PKP3: variants seen among roughly 807,000 people sequenced by gnomAD.
PKP3 encodes plakophilin 3, also known as plakophilin-3.
Under a neutral mutation model 76.5 loss-of-function variants are expected in PKP3, and 66 were observed. The ratio of observed to expected loss-of-function variants is 0.86; its 90% CI spans 0.71 to 1.06. The LOEUF is 1.06. Among genes scored for constraint, PKP3 ranks in the 50% least tolerant of loss-of-function variants. The probability of loss-of-function intolerance (pLI) is 0.00; values close to 1 mark genes in which losing one functional copy is unlikely to be tolerated. For missense variants in PKP3, 1,338 were observed against 1,141.0 expected (o/e 1.17, Z -2.49); for synonymous variants, 638 against 516.5 (o/e 1.24, Z -3.19).
In PKP3 at chr11:400,600, G is replaced by A. The variant is rs754006221; in HGVS notation, c.1632G>A (p.Pro544=). 9.8e-5 allele frequency: 144 copies of A among 1,463,896 alleles called. 3 individuals carry two copies. Among genetic ancestry groups the A allele is most frequent in the South Asian group, 4.1e-4 (31 of 75,474 alleles). The allele number at this position is 1,463,896 out of a possible 1,614,324, so 90.7% of individuals were successfully genotyped here. ...ACCGCCTCTACGACGAGATGCCGCC[G>A]TCCGCGCTGCAGCGGCTGGAGGGTC... ...LSYRLYDEMP[P]SALQRLEGRG... The change falls in exon 8 of 13, where the codon CCG becomes CCA. Residue 544 remains proline, a synonymous_variant. Transcript: ENST00000331563.
In PKP3 at chr11:397,794, G is replaced by T. The variant is rs1478262480; in HGVS notation, c.1068+132G>T. The T allele has an allele frequency of 1.1e-5, 9 of 855,788 alleles. No homozygotes were observed. In the Admixed American group the frequency reaches 1.9e-4, roughly 18 times the overall value. 53.0% of individuals were successfully genotyped at this position (855,788 alleles called of 1,614,324 possible). On this transcript the variant is annotated intron_variant, in intron 4 of 12. Transcript: ENST00000331563. ...TGACTGGGTAGACCCCACTCTGTCT[G>T]GAGCCCCCTCAGCAGAGGAAGAGCA...
rs775066691 is a variant in PKP3 at position 404,323 on chromosome 11, G to A, written c.2358G>A (p.Ala786=). 58 of 1,611,608 alleles carry A rather than the reference G, an allele frequency of 3.6e-5. No individual in the cohort carries two copies. The highest frequency in any genetic ancestry group is 6.7e-5 in the East Asian group (3 of 44,878). The stretch of plus-strand genomic sequence containing the variant: ...ACAAGCTCCACCGTGACTTCCGGGC[G>A]GTACGTTTCCCGAGCCCAGGGCAAG... ...QYNKLHRDFR[A]KGYRKEDFLG... The change falls in exon 12 of 13, where the codon GCG becomes GCA. Residue 786 remains alanine (A), a splice_region_variant and synonymous_variant. Coordinates refer to ENST00000331563, the MANE Select transcript of PKP3 (RefSeq NM_007183.4). This position sits in a 1 kb window ranked among gnomAD's most constrained non-coding sequence, Gnocchi z 4.2.
chr11:400,251 G>T, intron 6 of PKP3, 83 bp from the exon 7 acceptor site: 1 of 1,402,268 alleles, frequency 7.1e-7, no homozygotes, highest in South Asian at 1.4e-5. Flanking sequence ...CGCTGGGGAT[G>T]GGCGTGCGAG....
At chr11:400,507 C>A (rs1284080134) in intron 7 of PKP3, 28 bp from the exon 8 acceptor site, 2 of 1,488,924 alleles carry the variant, frequency 1.3e-6, no homozygotes, top group Non-Finnish European at 8.9e-7. Flanking sequence ...CTCTGACCCG[C>A]GCCCCTGCCC....
chr11:404,694 C>A lies in PKP3; in HGVS notation c.*125C>A. Reference sequence around the variant, plus strand: ...ACGGAGGGGCCCCTCGCTGGGGCCCCTGTGTGCATCTTTGAGGGTCCTGGG... The same window carrying A: ...ACGGAGGGGCCCCTCGCTGGGGCCCATGTGTGCATCTTTGAGGGTCCTGGG... On this transcript the variant is annotated 3_prime_UTR_variant, in exon 13 of 13. Coordinates refer to ENST00000331563, the MANE Select transcript of PKP3 (RefSeq NM_007183.4). The surrounding 1 kb of genome is among the most constrained non-coding windows in gnomAD (Gnocchi z 4.2). The A allele has an allele frequency of 1.2e-6, 1 of 842,416 alleles. No individual in the cohort carries two copies. 52.2% of individuals were successfully genotyped at this position (842,416 alleles called of 1,614,324 possible).
chr11:404,389 C>A lies in PKP3; in HGVS notation c.2358+66C>A. 2.0e-6 allele frequency: 3 copies of A among 1,498,048 alleles called. No individual in the cohort carries two copies. The highest frequency in any genetic ancestry group is 1.4e-5 in the African/African-American group (1 of 72,778). 92.8% of individuals were successfully genotyped at this position (1,498,048 alleles called of 1,614,324 possible). A position where few individuals can be genotyped will look rare whatever the true frequency, so the allele number is the denominator to read the frequency against. On this transcript the variant is annotated intron_variant, in intron 12 of 12. Coordinates refer to ENST00000331563, the MANE Select transcript of PKP3 (RefSeq NM_007183.4). This position sits in a 1 kb window ranked among gnomAD's most constrained non-coding sequence, Gnocchi z 4.2. ...AGGGCATGGGACGCCGGGGGAGGGT[C>A]AGTGAAGAGGCCCATGGGAGGATGG...
At chr11:395,707 A>C (rs894142480) in intron 1 of PKP3, among the ~76,000 whole-genome samples, 3 of 152,160 alleles carry the variant, frequency 2.0e-5, no homozygotes, top group Non-Finnish European at 4.4e-5. Flanking sequence ...TGTCCCCCAC[A>C]GAGCATCCAG....
Position 400,361 on chromosome 11 carries a change from T to A in PKP3, c.1476T>A (p.Thr492=), listed in dbSNP as rs776057026. Residue 492 remains threonine (T), a synonymous_variant, in exon 7 of 13, where the codon ACT becomes ACA. Coordinates refer to ENST00000331563, the MANE Select transcript of PKP3 (RefSeq NM_007183.4). ...LRNLSSASQA[T]RQKMRECHGL... ...ACCTCAGCTCAGCCTCTCAGGCCACTCGCCAGAAGATGCGGGAGTGCCACG... is the reference window on the plus strand; with the variant it reads ...ACCTCAGCTCAGCCTCTCAGGCCACACGCCAGAAGATGCGGGAGTGCCACG... The A allele has an allele frequency of 1.3e-6, 2 of 1,549,762 alleles. No homozygotes were observed. The highest frequency in any genetic ancestry group is 1.7e-6 in the Non-Finnish European group (2 of 1,146,602).
upstream of PKP3, chr11:394,175 C>A (rs937962998): frequency 3.7e-6 from 5 of 1,355,808 alleles, no homozygotes; most frequent in Non-Finnish European, 4.7e-6. Context: ...TGTCTTCAGG[C>A]GGCTCTGGGT....
chr11:400,770 C>T (rs1162502362), intron 8 of PKP3, 65 bp downstream of exon 8: 1 of 914,554 alleles, frequency 1.1e-6, no homozygotes, highest in Non-Finnish European at 1.4e-6. Flanking sequence ...GACCCCGGCC[C>T]CGCTCACCCC....
Position 403,152 on chromosome 11 carries a change from C to T in PKP3, c.1812C>T (p.Ser604=). 1 of 1,580,690 alleles carries T rather than the reference C, an allele frequency of 6.3e-7. No individual in the cohort carries two copies. The highest frequency in any genetic ancestry group is 1.1e-5 in the South Asian group (1 of 86,992). ...KDPKGLEWLW[S]PQIVGLYNRL... Reference sequence around the variant, plus strand: ...CCAAGGGCCTCGAGTGGCTGTGGAGCCCCCAGATCGTGGGGCTGTACAACC... The same window carrying T: ...CCAAGGGCCTCGAGTGGCTGTGGAGTCCCCAGATCGTGGGGCTGTACAACC... Residue 604 remains serine (S), a synonymous_variant, in exon 9 of 13, where the codon AGC becomes AGT. Coordinates refer to ENST00000331563, the MANE Select transcript of PKP3 (RefSeq NM_007183.4).
In PKP3 at chr11:397,395, T is replaced by G. The variant is rs1022432411; in HGVS notation, c.894T>G (p.His298Gln). 1 of 1,611,678 alleles carries G rather than the reference T, an allele frequency of 6.2e-7. No homozygotes were observed. The change falls in exon 3 of 13, where the codon CAT (histidine) becomes CAG (glutamine). Residue 298 changes from histidine to glutamine, a missense_variant. His to Gln is a conservative substitution (Grantham distance 24). Transcript: ENST00000331563. ...ACTCGGGCCACCTGCCGGACGTGCA[T>G]GGGTTCAACAGCTACGGTAGCCACC... is the stretch of plus-strand genomic sequence containing the variant. ...LADSGHLPDV[H>Q]GFNSYGSHRT...
chr11:403,800 C>T (rs369827609), intron 10 of PKP3, 29 bp downstream of exon 10: 2 of 1,601,330 alleles, frequency 1.2e-6, no homozygotes, highest in African/African-American at 2.7e-5. Context: ...CGTCCCTGCC[C>T]TGCTGGACCC....
chr11:396,983 C>G lies in PKP3; in HGVS notation c.482C>G (p.Pro161Arg). 1 of 1,599,452 alleles carries G rather than the reference C, an allele frequency of 6.3e-7. No individual in the cohort carries two copies. Among genetic ancestry groups the G allele is most frequent in the Non-Finnish European group, 8.5e-7 (1 of 1,179,056 alleles). ...CCCACCCCTCCCATGCCCACCAGGC[C>G]CGTGTCCTTCCATGAGCGCGGTGGG... is the stretch of plus-strand genomic sequence containing the variant. ...AQPTPPMPTR[P>R]VSFHERGGVG... Residue 161 changes from proline to arginine, a missense_variant, in exon 3 of 13, where the codon CCC becomes CGC. Transcript: ENST00000331563.
rs1304097513 is a variant in PKP3 at position 403,708 on chromosome 11, C to T, written c.2014C>T (p.Leu672=). 1 of 1,610,186 alleles carries T rather than the reference C, an allele frequency of 6.2e-7. No individual in the cohort carries two copies. The highest frequency in any genetic ancestry group is 1.3e-5 in the African/African-American group (1 of 74,910). The change falls in exon 10 of 13, where the codon CTG becomes TTG. Residue 672 remains leucine (L), a synonymous_variant. Transcript: ENST00000331563. ...TGTCAGGACCGCCGACCACCACCAG[C>T]TGCGCTCACTGACTGGCCTCATCCG... ...DRVRTADHHQ[L]RSLTGLIRNL...
chr11:404,033 C>T lies in PKP3; in HGVS notation c.2168C>T (p.Ala723Val), dbSNP rs201971699. The change falls in exon 11 of 13, where the codon GCT becomes GTT. Residue 723 changes from alanine to valine, a missense_variant. Ala to Val is a moderately conservative substitution (Grantham distance 64, BLOSUM62 0). Transcript: ENST00000331563. This position sits in a 1 kb window ranked among gnomAD's most constrained non-coding sequence, Gnocchi z 4.2. ...PPAEVLVNII[A>V]VLNNLVVASP... ...GCCGAGGTGCTGGTCAACATCATAGCTGTGCTCAACAACCTGGTGGTGGCC... is the reference window on the plus strand; with the variant it reads ...GCCGAGGTGCTGGTCAACATCATAGTTGTGCTCAACAACCTGGTGGTGGCC... 8.5e-5 allele frequency: 137 copies of T among 1,612,520 alleles called. 1 individual carries two copies. The East Asian group carries it at 1.9e-3, about 22-fold the overall frequency.
rs1332995109 is a variant in PKP3, at chr11:404,355, C to A, written c.2358+32C>A. 4.4e-6 allele frequency: 7 copies of A among 1,586,002 alleles called. No individual in the cohort carries two copies. The Admixed American group carries it at 1.0e-4, about 23-fold the overall frequency. On this transcript the variant is annotated intron_variant, in intron 12 of 12. Transcript: ENST00000331563. This position sits in a 1 kb window ranked among gnomAD's most constrained non-coding sequence, Gnocchi z 4.2. ...TTCCCGAGCCCAGGGCAAGCAGGGA[C>A]CCGGGTGCAGGGCATGGGACGCCGG...
chr11:404,682 T>G lies in PKP3; in HGVS notation c.*113T>G. The G allele has an allele frequency of 2.0e-6, 2 of 1,005,662 alleles. No homozygotes were observed. Among genetic ancestry groups the G allele is most frequent in the Non-Finnish European group, 1.5e-6 (1 of 657,634 alleles). The allele number at this position is 1,005,662 out of a possible 1,614,324, so 62.3% of individuals were successfully genotyped here. ...AGAAGGCTAATGACGGAGGGGCCCC[T>G]CGCTGGGGCCCCTGTGTGCATCTTT... is the stretch of plus-strand genomic sequence containing the variant. On this transcript the variant is annotated 3_prime_UTR_variant, in exon 13 of 13. Transcript: ENST00000331563. This position sits in a 1 kb window ranked among gnomAD's most constrained non-coding sequence, Gnocchi z 4.2.
Position 400,611 on chromosome 11 carries a change from AGCG to A in PKP3, c.1646_1648del (p.Arg549del), listed in dbSNP as rs774685959. 4 of 1,443,752 alleles carry A rather than the reference AGCG, an allele frequency of 2.8e-6. No individual in the cohort carries two copies. In the South Asian group the frequency reaches 5.5e-5, roughly 20 times the overall value. 89.4% of individuals were successfully genotyped at this position (1,443,752 alleles called of 1,614,324 possible). A position where few individuals can be genotyped will look rare whatever the true frequency, so the allele number is the denominator to read the frequency against. On this transcript the variant is annotated inframe_deletion, in exon 8 of 13. Transcript: ENST00000331563. ...GACGAGATGCCGCCGTCCGCGCTGC[AGCG>A]GCTGGAGGGTCGCGGCCGCAGGGAC...
Sources: allele counts gnomAD v4.1 joint callset (sites outside exome capture counted in the v4.1 genomes callset), GRCh38; gene constraint gnomAD v4.1.1; non-coding constraint Gnocchi (gnomAD v3.1); transcripts MANE v1.5; gene names NCBI Gene and HGNC (gene_info 2026-07-23, HGNC 2026-07-21).